Variants in MIOS observed in about 807,000 individuals in gnomAD.
MIOS encodes the protein GATOR2 complex protein MIOS.
MIOS carries 52 observed loss-of-function variants against 96.9 expected under a neutral mutation model. That is an observed-to-expected ratio of 0.54 (90% confidence interval 0.43 to 0.68). MIOS has a LOEUF of 0.68. Ranked by LOEUF, MIOS falls within the 30% of genes least tolerant of loss-of-function variation. The pLI, the probability that MIOS is intolerant of heterozygous loss-of-function variation, is 0.00. For synonymous variants in MIOS, 397 were observed against 359.5 expected (o/e 1.10, Z -1.18); for missense variants, 1,005 against 1,052.8 (o/e 0.95, Z 0.63).
chr7:7,585,757 C>G lies in MIOS; in HGVS notation c.1770C>G (p.Val590=). The change falls in exon 7 of 13, where the codon GTC becomes GTG. Residue 590 remains valine (V), a synonymous_variant. Transcript: ENST00000340080. ...RLQLNNPYLC[V]MFAFLTSETG... ...AGCTAAATAACCCGTATTTGTGTGTCATGTTTGCATTTCTGACAAGTGAAA... is the reference window on the plus strand; with the variant it reads ...AGCTAAATAACCCGTATTTGTGTGTGATGTTTGCATTTCTGACAAGTGAAA... The G allele has an allele frequency of 6.2e-7, 1 of 1,611,694 alleles. No individual in the cohort carries two copies. Among genetic ancestry groups the G allele is most frequent in the Non-Finnish European group, 8.5e-7 (1 of 1,178,936 alleles).
intron 11 of MIOS, among the ~76,000 whole-genome samples, chr7:7,602,033 TA>T (rs1417168004): frequency 1.3e-5 from 2 of 152,170 alleles, no homozygotes; most frequent in African/African-American, 4.8e-5. Flanking sequence ...CCCTTCATGC[TA>T]AAAACTCTCA....
At chr7:7,585,944 C>T in intron 7 of MIOS, 139 bp downstream of exon 7, 1 of 708,476 alleles carries the variant, frequency 1.4e-6, no homozygotes, top group South Asian at 2.9e-5. Flanking sequence ...GCATCTTGGG[C>T]TTTTTTTTTG....
chr7:7,604,534 T>C (rs779845288), intron 11 of MIOS, among the ~76,000 whole-genome samples: 1 of 152,210 alleles, frequency 6.6e-6, no homozygotes, highest in Non-Finnish European at 1.5e-5. Context: ...CCTTACAGAA[T>C]TTAACTTCTG....
At chr7:7,582,983 C>A in intron 5 of MIOS, 135 bp from the exon 6 acceptor site, 1 of 993,968 alleles carries the variant, frequency 1.0e-6, no homozygotes, top group Non-Finnish European at 1.4e-6. Flanking sequence ...TGGCATAGTT[C>A]ATATTTACAC....
chr7:7,578,384 GCTTAAAGAGTAAACTCTA>G (rs1200407301), intron 5 of MIOS, among the ~76,000 whole-genome samples: 1 of 152,100 alleles, frequency 6.6e-6, no homozygotes, highest in Non-Finnish European at 1.5e-5. Flanking sequence ...TATTTTTCAT[GCTTAAAGAGTAAACTCTA>G]CAGTTCCGGC....
chr7:7,582,161 A>G (rs1783751576), intron 5 of MIOS, among the ~76,000 whole-genome samples: 1 of 152,208 alleles, frequency 6.6e-6, no homozygotes, highest in African/African-American at 2.4e-5. Context: ...GTAAATATAT[A>G]AATATATAAT....
At chr7:7,602,726 G>C (rs963734720) in intron 11 of MIOS, among the ~76,000 whole-genome samples, 4 of 150,464 alleles carry the variant, frequency 2.7e-5, no homozygotes, top group African/African-American at 9.7e-5. Flanking sequence ...AAAAACTAAA[G>C]TTCATATGGA....
chr7:7,573,603 A>C lies in MIOS; in HGVS notation c.1128A>C (p.Glu376Asp). ...GGGCTTGTGGTCGTCATTTATATGAATGTACGGAAGAAGAAAATGATAATT... is the reference window on the plus strand; with the variant it reads ...GGGCTTGTGGTCGTCATTTATATGACTGTACGGAAGAAGAAAATGATAATT... The part of the protein sequence containing the change: ...LMWACGRHLY[E>D]CTEEENDNSL... The change falls in exon 4 of 13, where the codon GAA (glutamate) becomes GAC (aspartate). Residue 376 changes from glutamate to aspartate, a missense_variant. Coordinates refer to ENST00000340080, the MANE Select transcript of MIOS (RefSeq NM_019005.4). The surrounding 1 kb of genome is among the most constrained non-coding windows in gnomAD (Gnocchi z 5.0). The C allele has an allele frequency of 1.2e-6, 2 of 1,614,074 alleles. No homozygotes were observed. Among genetic ancestry groups the C allele is most frequent in the Non-Finnish European group, 1.7e-6 (2 of 1,179,934 alleles).
intron 9 of MIOS, among the ~76,000 whole-genome samples, chr7:7,589,850 T>C (rs1783998655): frequency 6.6e-6 from 1 of 152,202 alleles, no homozygotes; most frequent in African/African-American, 2.4e-5. Flanking sequence ...GTTTCTCCAA[T>C]TGTTGACATA....
chr7:7,583,683 A>G (rs1190861408), intron 6 of MIOS, among the ~76,000 whole-genome samples: 1 of 150,010 alleles, frequency 6.7e-6, no homozygotes, highest in Non-Finnish European at 1.5e-5. Context: ...TTTTTAAAAT[A>G]TATTTTCTTA....
At chr7:7,598,260 C>T (rs1330999605) in intron 11 of MIOS, among the ~76,000 whole-genome samples, 1 of 152,186 alleles carries the variant, frequency 6.6e-6, no homozygotes. Flanking sequence ...TTGCACCTTC[C>T]TCTGGACTGG....
intron 5 of MIOS, among the ~76,000 whole-genome samples, chr7:7,576,138 A>C (rs1659505177): frequency 1.3e-5 from 2 of 152,190 alleles, no homozygotes; most frequent in South Asian, 4.1e-4. Context: ...TATATATATA[A>C]GTGCTTGCTA....
intron 1 of MIOS, 142 bp downstream of exon 1, chr7:7,567,214 C>G (rs1353393437): frequency 6.6e-6 from 1 of 152,282 alleles, no homozygotes; most frequent in Non-Finnish European, 1.5e-5. Flanking sequence ...CGCCGGGCGG[C>G]CGGCCGCCTG....
chr7:7,568,156 A>C (rs1185099554), intron 3 of MIOS, 33 bp downstream of exon 3: 1 of 152,208 alleles, frequency 6.6e-6, no homozygotes, highest in Non-Finnish European at 1.5e-5. Context: ...TAATTATTGC[A>C]GACCGCACCC....
intron 9 of MIOS, among the ~76,000 whole-genome samples, chr7:7,593,699 G>A (rs113088601): frequency 0.072 from 10,807 of 150,020 alleles, 1,230 homozygotes; most frequent in African/African-American, 0.25. Flanking sequence ...TTCAAGACCA[G>A]CCTGGCCAAC....
chr7:7,586,769 A>G (rs1220705726), intron 7 of MIOS, among the ~76,000 whole-genome samples: 2 of 152,128 alleles, frequency 1.3e-5, no homozygotes, highest in Non-Finnish European at 2.9e-5. Flanking sequence ...TAATGTTAGG[A>G]CTTTATTTTT....
intron 6 of MIOS, among the ~76,000 whole-genome samples, chr7:7,584,994 GTAAT>G (rs1158127202): frequency 1.3e-5 from 2 of 152,126 alleles, no homozygotes; most frequent in African/African-American, 4.8e-5. Flanking sequence ...GTGTAATACT[GTAAT>G]TAAAGTATTG....
intron 11 of MIOS, among the ~76,000 whole-genome samples, chr7:7,598,846 A>G (rs1784290346): frequency 1.3e-5 from 2 of 152,176 alleles, no homozygotes; most frequent in African/African-American, 4.8e-5. Context: ...TATGATGACT[A>G]ATATAACGAA....
chr7:7,573,852 G>A lies in MIOS; in HGVS notation c.1294+83G>A, dbSNP rs1783436376. 4.8e-6 allele frequency: 6 copies of A among 1,262,736 alleles called. No homozygotes were observed. The highest frequency in any genetic ancestry group is 1.5e-5 in the South Asian group (1 of 67,230). The allele number at this position is 1,262,736 out of a possible 1,614,324, so 78.2% of individuals were successfully genotyped here. On this transcript the variant is annotated intron_variant, in intron 4 of 12. Coordinates refer to ENST00000340080, the MANE Select transcript of MIOS (RefSeq NM_019005.4). This position sits in a 1 kb window ranked among gnomAD's most constrained non-coding sequence, Gnocchi z 5.0. The stretch of plus-strand genomic sequence containing the variant: ...TGCCAAAAGGTCAGTCTGTAAATAT[G>A]CTCAATGTTTTATATACAAATACAA...
Sources: allele counts gnomAD v4.1 joint callset (sites outside exome capture counted in the v4.1 genomes callset), GRCh38; gene constraint gnomAD v4.1.1; non-coding constraint Gnocchi (gnomAD v3.1); transcripts MANE v1.5; gene names NCBI Gene and HGNC (gene_info 2026-07-23, HGNC 2026-07-21).